Variants in SPATA3 observed in about 807,000 individuals in gnomAD.
SPATA3 encodes spermatogenesis-associated protein 3.
A neutral mutation model predicts 5.7 loss-of-function variants in SPATA3; 6 were observed. The observed-to-expected ratio is 1.06, with a 90% CI of 0.58 to 2.09. The LOEUF (loss-of-function observed/expected upper bound fraction) is 2.09, where lower values mean the gene tolerates loss of function less well. Ranked by LOEUF, SPATA3 falls within the 30% of genes most tolerant of loss-of-function variation. The pLI is 0.00. For synonymous variants in SPATA3, 44 were observed against 48.4 expected (o/e 0.91, Z 0.37); for missense variants, 155 against 130.4 (o/e 1.19, Z -0.92).
chr2:231,000,377 C>A (rs574239997), exon 2 of SPATA3: 1 of 1,510,962 alleles, frequency 6.6e-7, no homozygotes. Context: ...GCCTCTGATT[C>A]GCGCCGGCCC....
chr2:231,018,895 G>C (rs753903961), intron 6 of SPATA3, among the ~76,000 whole-genome samples: 4 of 151,406 alleles, frequency 2.6e-5, no homozygotes, highest in African/African-American at 9.7e-5. Context: ...CATGTTGGCC[G>C]GGCTGGTCTT....
Position 231,001,402 on chromosome 2 carries a change from C to T in SPATA3, c.962+865C>T, listed in dbSNP as rs564342125. Among the ~76,000 whole-genome samples the T allele has an allele frequency of 5.5e-4, 83 of 152,280 alleles. 1 individual carries two copies. Among genetic ancestry groups the T allele is most frequent in the African/African-American group, 1.9e-3 (77 of 41,560 alleles). On this transcript the variant is annotated intron_variant, in intron 2 of 2. Coordinates refer to ENST00000645363, the Ensembl canonical transcript of SPATA3. ...ACCCCAGGAACTGAGGCCCCCCAAC[C>T]CCCATCCTTGTCCTGTTCCTCTTCC... is the stretch of plus-strand genomic sequence containing the variant.
chr2:231,002,573 A>T, intron 2 of SPATA3, 111 bp from the exon 3 acceptor site: 1 of 566,258 alleles, frequency 1.8e-6, no homozygotes, highest in Non-Finnish European at 3.0e-6. Context: ...GAGGGGGAAG[A>T]TGGGTATTCC....
chr2:231,005,175 TCATCATCAC>T (rs1243505484), downstream of SPATA3, among the ~76,000 whole-genome samples: 1 of 22,190 alleles, frequency 4.5e-5, no homozygotes, highest in East Asian at 2.3e-3. Flanking sequence ...ATCATCACCA[TCATCATCAC>T]CATCACCATC....
downstream of SPATA3, chr2:231,002,884 C>A: frequency 2.6e-6 from 2 of 778,066 alleles, no homozygotes; most frequent in Non-Finnish European, 3.7e-6. Context: ...TGGACCAAGC[C>A]CCGGCCTCTC....
intron 2 of SPATA3, among the ~76,000 whole-genome samples, chr2:231,001,005 C>T (rs543302162): frequency 6.6e-6 from 1 of 152,228 alleles, no homozygotes; most frequent in South Asian, 2.1e-4. Flanking sequence ...TAAAAAACTA[C>T]TTGTAACTCA....
At chr2:231,001,036 G>A (rs1336560501) in intron 2 of SPATA3, among the ~76,000 whole-genome samples, 1 of 152,188 alleles carries the variant, frequency 6.6e-6, no homozygotes, top group Non-Finnish European at 1.5e-5. Context: ...CCACACAATA[G>A]CAAGACGTCA....
chr2:231,019,220 TGG>T (rs1693014635), intron 6 of SPATA3, among the ~76,000 whole-genome samples: 1 of 149,750 alleles, frequency 6.7e-6, no homozygotes, highest in Non-Finnish European at 1.5e-5. Flanking sequence ...CCGCCCACCT[TGG>T]CCTCCCAAAG....
intron 2 of SPATA3, among the ~76,000 whole-genome samples, chr2:231,002,162 A>T (rs537515508): frequency 3.9e-5 from 6 of 152,350 alleles, no homozygotes; most frequent in Admixed American, 1.3e-4. Flanking sequence ...TTCAATCCAC[A>T]TTCACATTAA....
chr2:231,005,328 TCATCACCATCAC>T (rs146252061), downstream of SPATA3, among the ~76,000 whole-genome samples: 8 of 17,032 alleles, frequency 4.7e-4, no homozygotes, highest in Non-Finnish European at 8.3e-4. Flanking sequence ...ATCATCACCA[TCATCACCATCAC>T]CATCATCACC....
At chr2:231,001,432 C>T (rs1033263342) in intron 2 of SPATA3, among the ~76,000 whole-genome samples, 1 of 152,146 alleles carries the variant, frequency 6.6e-6, no homozygotes, top group Non-Finnish European at 1.5e-5. Flanking sequence ...TCTTCCCAGC[C>T]TCTTCCCTAC....
intron 1 of SPATA3, chr2:230,999,604 A>T (rs1354597346): frequency 6.2e-6 from 1 of 160,434 alleles, no homozygotes; most frequent in Non-Finnish European, 1.5e-5. Context: ...AACAGGAGGG[A>T]ATAATCCAGC....
intron 6 of SPATA3, among the ~76,000 whole-genome samples, chr2:231,014,697 C>G (rs147930199): frequency 6.6e-6 from 1 of 152,110 alleles, no homozygotes; most frequent in East Asian, 1.9e-4. Flanking sequence ...GGACACCCAC[C>G]AAGAGGCTGA....
downstream of SPATA3, among the ~76,000 whole-genome samples, chr2:231,006,391 T>C (rs1692626217): frequency 6.6e-6 from 1 of 151,210 alleles, no homozygotes; most frequent in South Asian, 2.1e-4. Flanking sequence ...TAGTCCCAGC[T>C]ACTCGGGAGG....
intron 2 of SPATA3, 95 bp downstream of exon 2, chr2:231,000,632 T>G: frequency 2.5e-6 from 3 of 1,210,164 alleles, no homozygotes; most frequent in Admixed American, 3.6e-5. Flanking sequence ...TCACTTCCTC[T>G]TGGGAATCCC....
At chr2:231,017,649 A>G (rs4973372) in intron 6 of SPATA3, among the ~76,000 whole-genome samples, 43,991 of 152,122 alleles carry the variant, frequency 0.29, 6,580 homozygotes, top group Admixed American at 0.36. Context: ...TGAAAATTAC[A>G]TTATTTTAGT....
chr2:231,018,703 G>A (rs1170758448), intron 6 of SPATA3, among the ~76,000 whole-genome samples: 2 of 150,900 alleles, frequency 1.3e-5, no homozygotes, highest in African/African-American at 4.9e-5. Flanking sequence ...TTTTTTTTGA[G>A]GTGGAGTCAT....
intron 1 of SPATA3, among the ~76,000 whole-genome samples, chr2:230,997,972 C>A (rs1692190699): frequency 6.6e-6 from 1 of 152,182 alleles, no homozygotes; most frequent in African/African-American, 2.4e-5. Context: ...TGCTCCTGAG[C>A]AGACGCTGGT....
exon 3 of SPATA3, chr2:231,002,691 T>C: frequency 6.6e-7 from 1 of 1,511,474 alleles, no homozygotes; most frequent in Non-Finnish European, 8.9e-7. Flanking sequence ...CAGAAAATCT[T>C]CAAGAAAACC....
Sources: gnomAD v4.1 joint callset for allele counts (sites outside exome capture counted in the v4.1 genomes callset) on GRCh38, gnomAD v4.1.1 for gene constraint, MANE v1.5 for transcripts, NCBI Gene and HGNC (gene_info 2026-07-23, HGNC 2026-07-21) for gene names.